Variants in CTDSPL observed in about 807,000 individuals in gnomAD.
The protein encoded by CTDSPL is CTD small phosphatase-like protein.
Under a neutral mutation model 30.5 loss-of-function variants are expected in CTDSPL, and 8 were observed. The observed-to-expected ratio is 0.26, with a 90% confidence interval of 0.15 to 0.47. CTDSPL has a LOEUF of 0.47. Among genes scored for constraint, CTDSPL ranks in the 20% least tolerant of loss-of-function variants. CTDSPL has a pLI of 0.99. For missense variants in CTDSPL, 248 were observed against 366.1 expected (o/e 0.68, Z 2.63); for synonymous variants, 110 against 137.9 (o/e 0.80, Z 1.42).
chr3:37,871,057 G>C (rs1395682061), intron 1 of CTDSPL, among the ~76,000 whole-genome samples: 2 of 152,076 alleles, frequency 1.3e-5, no homozygotes, highest in Non-Finnish European at 2.9e-5. Context: ...TACCATTATA[G>C]TATTATACAG....
chr3:37,974,694 A>C (rs140546758), intron 6 of CTDSPL, among the ~76,000 whole-genome samples: 1,564 of 152,338 alleles, frequency 0.01, 14 homozygotes, highest in Non-Finnish European at 0.018. Context: ...ATGATCCGCA[A>C]CTGTGAGCTG....
chr3:37,904,830 A>G (rs558863073), intron 1 of CTDSPL, among the ~76,000 whole-genome samples: 16 of 152,282 alleles, frequency 1.1e-4, no homozygotes, highest in Non-Finnish European at 2.4e-4. Context: ...TGCCTCTTAA[A>G]TGCAATATTA....
Position 37,875,222 on chromosome 3 carries a change from C to T in CTDSPL, c.79+12944C>T, listed in dbSNP as rs545380048. Among the ~76,000 whole-genome samples, 138 of 152,292 alleles carry T rather than the reference C, an allele frequency of 9.1e-4. 5 individuals carry two copies. The highest frequency in any genetic ancestry group is 3.4e-3 in the Middle Eastern group (1 of 294). Reference sequence around the variant, plus strand: ...GGTCTGGAAACACTGGTGGTATAGTCCTCTGAAACCAGGACCTAATAAGCA... The same window carrying T: ...GGTCTGGAAACACTGGTGGTATAGTTCTCTGAAACCAGGACCTAATAAGCA... On this transcript the variant is annotated intron_variant, in intron 1 of 7. Transcript: ENST00000273179.
chr3:37,917,268 A>G (rs1325980436), intron 1 of CTDSPL, among the ~76,000 whole-genome samples: 2 of 152,224 alleles, frequency 1.3e-5, no homozygotes, highest in Non-Finnish European at 2.9e-5. Context: ...CTCACAGTCC[A>G]GTGGTAGAGA....
At position 37,975,064 on chromosome 3, in the gene CTDSPL, G is replaced by A. The variant is rs981239866; in HGVS notation, c.520-645G>A. On this transcript the variant is annotated intron_variant, in intron 6 of 7. Coordinates refer to ENST00000273179, the MANE Select transcript of CTDSPL (RefSeq NM_001008392.2). This position sits in a 1 kb window ranked among gnomAD's most constrained non-coding sequence, Gnocchi z 4.9. ...AGGAAGATAGATGTGGCTCTAGGTG[G>A]ATGGGAGAGGAAGTCAAGACCTGAA... 1.3e-5 allele frequency among the ~76,000 whole-genome samples: 2 copies of A among 152,204 alleles called. No homozygotes were observed.
At position 37,981,289 on chromosome 3, in the gene CTDSPL, C is replaced by T. The variant is rs1463983261; in HGVS notation, c.*422C>T. On this transcript the variant is annotated 3_prime_UTR_variant, in exon 8 of 8. Coordinates refer to ENST00000273179, the MANE Select transcript of CTDSPL (RefSeq NM_001008392.2). ...AGTGCCTTTTGAATGTTATTTTAAG[C>T]CGAGAGTTAATTTTTCTACACAACA... 6.3e-6 allele frequency: 1 copy of T among 158,208 alleles called. No homozygotes were observed. Among genetic ancestry groups the T allele is most frequent in the African/African-American group, 2.4e-5 (1 of 41,452 alleles). The allele number at this position is 158,208 out of a possible 1,614,324, so 9.8% of individuals were successfully genotyped here. A position where few individuals can be genotyped will look rare whatever the true frequency, so the allele number is the denominator to read the frequency against.
At chr3:37,904,488 T>C (rs1042582913) in intron 1 of CTDSPL, among the ~76,000 whole-genome samples, 6 of 152,068 alleles carry the variant, frequency 3.9e-5, no homozygotes, top group Non-Finnish European at 5.9e-5. Flanking sequence ...TGGTGACCCA[T>C]TGGATGATAA....
chr3:37,900,050 C>T (rs1197173729), intron 1 of CTDSPL, among the ~76,000 whole-genome samples: 1 of 152,112 alleles, frequency 6.6e-6, no homozygotes, highest in Non-Finnish European at 1.5e-5. Flanking sequence ...TTGCCTGGGG[C>T]CTTTAATCAC....
At chr3:37,969,758 G>A (rs552372244) in intron 5 of CTDSPL, among the ~76,000 whole-genome samples, 2 of 152,270 alleles carry the variant, frequency 1.3e-5, no homozygotes, top group African/African-American at 2.4e-5. Flanking sequence ...CCCGTGCTAC[G>A]ACATCCTGTT....
chr3:37,888,459 C>T (rs1698286914), intron 1 of CTDSPL, among the ~76,000 whole-genome samples: 1 of 152,128 alleles, frequency 6.6e-6, no homozygotes. Context: ...GTGCCATTCT[C>T]CAAATTCCAA....
At chr3:37,967,904 T>C (rs776073470) in intron 5 of CTDSPL, 22 bp downstream of exon 5, 2 of 1,543,946 alleles carry the variant, frequency 1.3e-6, no homozygotes, top group South Asian at 2.4e-5. Flanking sequence ...AAGCTAAATT[T>C]GAGTTTCAAT....
chr3:37,899,934 C>T (rs1023767702), intron 1 of CTDSPL, among the ~76,000 whole-genome samples: 1 of 152,170 alleles, frequency 6.6e-6, no homozygotes, highest in African/African-American at 2.4e-5. Context: ...ATGGTACCTA[C>T]AAGATTATAC....
intron 3 of CTDSPL, among the ~76,000 whole-genome samples, chr3:37,962,263 C>T (rs1165605199): frequency 6.6e-6 from 1 of 152,214 alleles, no homozygotes; most frequent in Non-Finnish European, 1.5e-5. Context: ...CCAAAGAATT[C>T]TTACCCATGG....
At chr3:37,969,901 G>A (rs989361033) in intron 5 of CTDSPL, among the ~76,000 whole-genome samples, 2 of 152,206 alleles carry the variant, frequency 1.3e-5, no homozygotes, top group Non-Finnish European at 2.9e-5. Flanking sequence ...ACTTGGTTCT[G>A]TATAGAATTC....
chr3:37,907,326 A>G (rs1698529864), intron 1 of CTDSPL, among the ~76,000 whole-genome samples: 1 of 152,226 alleles, frequency 6.6e-6, no homozygotes, highest in African/African-American at 2.4e-5. Context: ...AATTAAGGGC[A>G]TTTTTAAACC....
intron 1 of CTDSPL, among the ~76,000 whole-genome samples, chr3:37,928,541 C>G (rs867893662): frequency 1.3e-5 from 2 of 152,176 alleles, no homozygotes; most frequent in African/African-American, 4.8e-5. Flanking sequence ...AGAGAAATAT[C>G]TATGCCAGTC....
At chr3:37,872,539 C>CTTTTT (rs34657967) in intron 1 of CTDSPL, among the ~76,000 whole-genome samples, 1 of 51,036 alleles carries the variant, frequency 2.0e-5, no homozygotes, top group Non-Finnish European at 3.9e-5. Flanking sequence ...TACTTAGGCT[C>CTTTTT]TTTTTTTTTT....
chr3:37,981,017 T>G lies in CTDSPL; in HGVS notation c.*150T>G. On this transcript the variant is annotated 3_prime_UTR_variant, in exon 8 of 8. Transcript: ENST00000273179. ...GTGGCCATGCCTACCTGTTTTGTTT[T>G]TTTAAGAACAGAAACAACTATTTTA... 1.2e-6 allele frequency: 1 copy of G among 851,276 alleles called. No homozygotes were observed. The highest frequency in any genetic ancestry group is 1.6e-6 in the Non-Finnish European group (1 of 610,606). 52.7% of individuals were successfully genotyped at this position (851,276 alleles called of 1,614,324 possible).
chr3:37,919,325 G>A (rs1698686962), intron 1 of CTDSPL, among the ~76,000 whole-genome samples: 1 of 152,154 alleles, frequency 6.6e-6, no homozygotes, highest in Non-Finnish European at 1.5e-5. Context: ...TCTGAGATGG[G>A]ACCCCTCTCC....
Sources: gnomAD v4.1 joint callset for allele counts (sites outside exome capture counted in the v4.1 genomes callset) on GRCh38, gnomAD v4.1.1 for gene constraint, Gnocchi (gnomAD v3.1) non-coding constraint, MANE v1.5 for transcripts, NCBI Gene and HGNC (gene_info 2026-07-23, HGNC 2026-07-21) for gene names.